The following ANXA6 variants were observed in gnomAD, a reference collection of about 807,000 sequenced individuals.
ANXA6 encodes annexin A6.
Under a neutral mutation model 95.4 loss-of-function variants are expected in ANXA6, and 71 were observed. The observed-to-expected ratio is 0.74, with a 90% CI of 0.61 to 0.91. The LOEUF is 0.91. Among genes scored for constraint, ANXA6 ranks in the 40% least tolerant of loss-of-function variants. The probability of loss-of-function intolerance (pLI) is 0.00; values close to 1 mark genes in which losing one functional copy is unlikely to be tolerated. For missense variants in ANXA6, 830 were observed against 876.4 expected (o/e 0.95, Z 0.67); for synonymous variants, 289 against 315.9 (o/e 0.91, Z 0.90).
intron 1 of ANXA6, among the ~76,000 whole-genome samples, chr5:151,154,333 T>TATATATATATATATATATATATATATA (rs1561588333): frequency 7.5e-6 from 1 of 132,782 alleles, no homozygotes; most frequent in Non-Finnish European, 1.6e-5. Context: ...ATATATATAT[T>TATATATATATATATATATATATATATA]GATCCCATAC....
chr5:151,150,099 CAG>C (rs1341357617), intron 1 of ANXA6, among the ~76,000 whole-genome samples: 4 of 147,682 alleles, frequency 2.7e-5, no homozygotes. Flanking sequence ...GGCTAGGCAA[CAG>C]AGTGAGACTC....
chr5:151,151,867 C>T (rs965531003), intron 1 of ANXA6, among the ~76,000 whole-genome samples: 1 of 152,220 alleles, frequency 6.6e-6, no homozygotes, highest in Non-Finnish European at 1.5e-5. Context: ...CTGATTCTCT[C>T]AGATCTAGAT....
Position 151,100,911 on chromosome 5 carries a change from T to A in ANXA6, c.*537A>T, listed in dbSNP as rs1323337107. 4.4e-6 allele frequency: 2 copies of A among 456,276 alleles called. No homozygotes were observed. Among genetic ancestry groups the A allele is most frequent in the Non-Finnish European group, 8.8e-6 (2 of 227,080 alleles). 28.3% of individuals were successfully genotyped at this position (456,276 alleles called of 1,614,324 possible). A position where few individuals can be genotyped will look rare whatever the true frequency, so the allele number is the denominator to read the frequency against. The stretch of plus-strand genomic sequence containing the variant: ...AGGTCAGAAACAAGTGCATGGCAGA[T>A]GCAGATTTGAACCCAGGCATCCAAA... On this transcript the variant is annotated 3_prime_UTR_variant, in exon 26 of 26. Transcript: ENST00000354546.
chr5:151,116,550 A>T (rs1048863942), intron 20 of ANXA6, among the ~76,000 whole-genome samples: 5 of 151,968 alleles, frequency 3.3e-5, no homozygotes, highest in African/African-American at 1.2e-4. Flanking sequence ...CAGCCAAGAG[A>T]CTCCTAGAGA....
intron 14 of ANXA6, 21 bp downstream of exon 14, chr5:151,126,381 A>C (rs1019839606): frequency 1.3e-6 from 2 of 1,595,882 alleles, no homozygotes; most frequent in Non-Finnish European, 1.7e-6. Flanking sequence ...GAGGTCAAGC[A>C]GGAGGAGGGG....
At chr5:151,124,493 G>A in intron 14 of ANXA6, 126 bp from the exon 15 acceptor site, 1 of 797,970 alleles carries the variant, frequency 1.3e-6, no homozygotes, top group South Asian at 1.6e-5. Flanking sequence ...GGTGGGGAAA[G>A]AGGCAGAGGT....
At position 151,124,381 on chromosome 5, in the gene ANXA6, A is replaced by C; in HGVS notation, c.1057-14T>G. ...AGTTCCCTTCAGCTGTGAGAAGCAG[A>C]AAGAGACTCAGCAGGTGTCTGAAGG... On this transcript the variant is annotated splice_polypyrimidine_tract_variant and intron_variant, in intron 14 of 25. Transcript: ENST00000354546. 2 of 1,603,958 alleles carry C rather than the reference A, an allele frequency of 1.2e-6. No homozygotes were observed. The highest frequency in any genetic ancestry group is 1.3e-5 in the African/African-American group (1 of 74,810).
At chr5:151,114,871 C>T (rs918114015) in intron 20 of ANXA6, among the ~76,000 whole-genome samples, 1 of 152,028 alleles carries the variant, frequency 6.6e-6, no homozygotes. Flanking sequence ...AGTGAGAGAC[C>T]GCCAGGGAGG....
chr5:151,104,966 G>C (rs1559124), intron 24 of ANXA6, among the ~76,000 whole-genome samples: 138,509 of 152,312 alleles, frequency 0.91, 63,208 homozygotes, highest in East Asian at 1. Flanking sequence ...TCCCTGTTCT[G>C]TCCCCACCAG....
intron 19 of ANXA6, among the ~76,000 whole-genome samples, chr5:151,117,435 G>A (rs1419656146): frequency 6.6e-6 from 1 of 152,190 alleles, no homozygotes; most frequent in Non-Finnish European, 1.5e-5. Flanking sequence ...TTTGGTTATG[G>A]GAATTCAAGA....
At chr5:151,112,905 T>C (rs1218268460) in intron 20 of ANXA6, among the ~76,000 whole-genome samples, 1 of 152,170 alleles carries the variant, frequency 6.6e-6, no homozygotes, top group East Asian at 1.9e-4. Context: ...TACTGTATAA[T>C]TTCACTTACA....
chr5:151,114,108 A>C (rs1310065563), intron 20 of ANXA6, among the ~76,000 whole-genome samples: 7 of 152,220 alleles, frequency 4.6e-5, no homozygotes, highest in Admixed American at 4.6e-4. Flanking sequence ...AAAGTAGATT[A>C]GTGGTTGCTT....
intron 14 of ANXA6, among the ~76,000 whole-genome samples, chr5:151,124,807 CCAGAA>C (rs1383448831): frequency 2.6e-5 from 4 of 152,162 alleles, no homozygotes; most frequent in African/African-American, 9.7e-5. Flanking sequence ...TTCTGAAATA[CCAGAA>C]CAGAGTTTCC....
Position 151,147,164 on chromosome 5 carries a change from C to A in ANXA6, c.18+720G>T, listed in dbSNP as rs80264923. Among the ~76,000 whole-genome samples the A allele has an allele frequency of 3.7e-4, 57 of 152,282 alleles. No individual in the cohort carries two copies. The East Asian group carries it at 4.2e-3, about 11-fold the overall frequency. ...TGGGAGTAAAAGTTCTCAGGTGCCT[C>A]CAATTCTATTGCCCGGCAGAACAGT... On this transcript the variant is annotated intron_variant, in intron 2 of 25. Coordinates refer to ENST00000354546, the MANE Select transcript of ANXA6 (RefSeq NM_001155.5).
chr5:151,134,588 C>T (rs367889872), intron 7 of ANXA6, 105 bp from the exon 8 acceptor site: 26 of 1,096,584 alleles, frequency 2.4e-5, no homozygotes, highest in East Asian at 9.4e-5. Flanking sequence ...CCTGGTGGCC[C>T]AGATGTGTCC....
chr5:151,135,011 G>A (rs1287763738), intron 7 of ANXA6, among the ~76,000 whole-genome samples: 2 of 152,212 alleles, frequency 1.3e-5, no homozygotes, highest in African/African-American at 2.4e-5. Context: ...TGGTGCTTCT[G>A]TTGTTCTGCC....
intron 22 of ANXA6, 74 bp from the exon 23 acceptor site, chr5:151,108,624 C>T: frequency 1.6e-6 from 2 of 1,241,426 alleles, no homozygotes; most frequent in Admixed American, 3.4e-5. Context: ...CTCAGCCCCA[C>T]CCAGTGCCTC....
At chr5:151,109,919 T>C in intron 21 of ANXA6, 73 bp from the exon 22 acceptor site, 1 of 1,193,420 alleles carries the variant, frequency 8.4e-7, no homozygotes. Flanking sequence ...TTCACTTTCA[T>C]GTCTTTGCCT....
intron 1 of ANXA6, 138 bp from the exon 2 acceptor site, chr5:151,148,064 A>G (rs971740441): frequency 1.2e-5 from 9 of 768,052 alleles, no homozygotes; most frequent in Non-Finnish European, 1.1e-5. Flanking sequence ...ACCCAGCTCA[A>G]GGCCAATCAC....
Sources: gnomAD v4.1 joint callset for allele counts (sites outside exome capture counted in the v4.1 genomes callset) on GRCh38, gnomAD v4.1.1 for gene constraint, MANE v1.5 for transcripts, NCBI Gene and HGNC (gene_info 2026-07-23, HGNC 2026-07-21) for gene names.